Variants in IL26 observed in about 807,000 individuals in gnomAD.
IL26 encodes interleukin-26.
Under a neutral mutation model 21.7 loss-of-function variants are expected in IL26, and 23 were observed. The ratio of observed to expected loss-of-function variants is 1.06; its 90% CI spans 0.76 to 1.50. IL26 has a LOEUF of 1.50. Ranked by LOEUF, IL26 falls within the 40% of genes most tolerant of loss-of-function variation. The pLI, the probability that IL26 is intolerant of heterozygous loss-of-function variation, is 0.00. For synonymous variants in IL26, 63 were observed against 67.8 expected (o/e 0.93, Z 0.34); for missense variants, 204 against 196.0 (o/e 1.04, Z -0.24).
At position 68,201,772 on chromosome 12, in the gene IL26, T is replaced by C; in HGVS notation, c.*73A>G. 1 of 1,019,222 alleles carries C rather than the reference T, an allele frequency of 9.8e-7. No homozygotes were observed. The highest frequency in any genetic ancestry group is 1.4e-6 in the Non-Finnish European group (1 of 695,678). The allele number at this position is 1,019,222 out of a possible 1,614,324, so 63.1% of individuals were successfully genotyped here. On this transcript the variant is annotated 3_prime_UTR_variant, in exon 5 of 5. Transcript: ENST00000229134. ...TAAAAAGTTTTTAAAAGAAATAGAC[T>C]GTTATAAACATATTTCTAGCAGTTC...
At position 68,225,779 on chromosome 12, in the gene IL26, G is replaced by A. The variant is rs764531744; in HGVS notation, c.-23C>T. 6.2e-7 allele frequency: 1 copy of A among 1,611,848 alleles called. No individual in the cohort carries two copies. On this transcript the variant is annotated 5_prime_UTR_variant, in exon 1 of 5. Transcript: ENST00000229134. ...CATTTCCCTTCACCCCACTCAGCGT[G>A]TGTCACTCACAGCAGCCCAAGAGAT...
chr12:68,222,941 C>A (rs1396627094), intron 3 of IL26, among the ~76,000 whole-genome samples: 1 of 152,172 alleles, frequency 6.6e-6, no homozygotes, highest in Admixed American at 6.5e-5. Context: ...TTTATAACTT[C>A]TGTCTGCTAA....
At chr12:68,225,037 A>C in intron 3 of IL26, 112 bp downstream of exon 3, 1 of 1,105,066 alleles carries the variant, frequency 9.0e-7, no homozygotes, top group Non-Finnish European at 1.3e-6. Flanking sequence ...ACTACAAGCC[A>C]ACAATTACAA....
chr12:68,202,189 C>G lies in IL26; in HGVS notation c.364-106G>C, dbSNP rs1868409024. 5 of 649,084 alleles carry G rather than the reference C, an allele frequency of 7.7e-6. No individual in the cohort carries two copies. The East Asian group carries it at 1.5e-4, about 19-fold the overall frequency. 40.2% of individuals were successfully genotyped at this position (649,084 alleles called of 1,614,324 possible). ...TAGAGCAGGTATTATGTGCTGAGCA[C>G]TAGATATGCACTGGCAAAATAAATA... On this transcript the variant is annotated intron_variant, in intron 3 of 4. Coordinates refer to ENST00000229134, the MANE Select transcript of IL26 (RefSeq NM_018402.2).
intron 3 of IL26, among the ~76,000 whole-genome samples, chr12:68,215,834 CTT>C (rs1020704887): frequency 1.2e-4 from 18 of 151,838 alleles, no homozygotes; most frequent in African/African-American, 4.3e-4. Flanking sequence ...ATCCAGATAA[CTT>C]TTTATTTTTA....
chr12:68,207,029 G>A (rs1868562677), intron 3 of IL26, among the ~76,000 whole-genome samples: 1 of 152,112 alleles, frequency 6.6e-6, no homozygotes, highest in East Asian at 1.9e-4. Flanking sequence ...ATCATATCAG[G>A]GTCTATAGAT....
At chr12:68,213,120 T>A (rs909882672) in intron 3 of IL26, among the ~76,000 whole-genome samples, 2 of 152,052 alleles carry the variant, frequency 1.3e-5, no homozygotes, top group Non-Finnish European at 2.9e-5. Flanking sequence ...TGAATACTTT[T>A]TCAATATCTA....
chr12:68,216,078 G>A (rs2120456848), intron 3 of IL26, among the ~76,000 whole-genome samples: 1 of 151,566 alleles, frequency 6.6e-6, no homozygotes, highest in East Asian at 2.0e-4. Context: ...GGATCACAAG[G>A]TCAGAAGATC....
At chr12:68,203,151 T>C (rs1404668563) in intron 3 of IL26, among the ~76,000 whole-genome samples, 1 of 152,184 alleles carries the variant, frequency 6.6e-6, no homozygotes, top group Non-Finnish European at 1.5e-5. Flanking sequence ...CTCGAGCAGC[T>C]GGCTTGTAGG....
intron 3 of IL26, among the ~76,000 whole-genome samples, chr12:68,213,827 A>G (rs1868800479): frequency 6.6e-6 from 1 of 151,714 alleles, no homozygotes; most frequent in African/African-American, 2.4e-5. Context: ...ATTTTATTGC[A>G]CTTCCCTATT....
intron 3 of IL26, among the ~76,000 whole-genome samples, chr12:68,210,559 C>T (rs184256790): frequency 1.7e-4 from 26 of 151,914 alleles, no homozygotes; most frequent in African/African-American, 4.8e-4. Flanking sequence ...TGTCTCTCTG[C>T]GAAACCAAAT....
In IL26 at chr12:68,201,719, A is replaced by G. The variant is rs1868394206; in HGVS notation, c.*126T>C. 2 of 550,848 alleles carry G rather than the reference A, an allele frequency of 3.6e-6. No individual in the cohort carries two copies. Among genetic ancestry groups the G allele is most frequent in the South Asian group, 3.6e-5 (1 of 27,410 alleles). The allele number at this position is 550,848 out of a possible 1,614,324, so 34.1% of individuals were successfully genotyped here. ...ACTAAATCCTTCTTGTCTATTCTGA[A>G]TCACCTAACATGCCGTCAGTATTAT... On this transcript the variant is annotated 3_prime_UTR_variant, in exon 5 of 5. Transcript: ENST00000229134.
At position 68,201,775 on chromosome 12, in the gene IL26, TATAAAC is replaced by T; in HGVS notation, c.*64_*69del. ...AAAGTTTTTAAAAGAAATAGACTGT[TATAAAC>T]ATATTTCTAGCAGTTCTTATTGTAT... On this transcript the variant is annotated 3_prime_UTR_variant, in exon 5 of 5. Coordinates refer to ENST00000229134, the MANE Select transcript of IL26 (RefSeq NM_018402.2). 9.2e-7 allele frequency: 1 copy of T among 1,091,832 alleles called. No homozygotes were observed. Among genetic ancestry groups the T allele is most frequent in the East Asian group, 2.4e-5 (1 of 41,852 alleles). 67.6% of individuals were successfully genotyped at this position (1,091,832 alleles called of 1,614,324 possible).
At chr12:68,211,876 C>A (rs1460705289) in intron 3 of IL26, among the ~76,000 whole-genome samples, 3 of 151,974 alleles carry the variant, frequency 2.0e-5, no homozygotes, top group Non-Finnish European at 2.9e-5. Context: ...GGATTTTTAG[C>A]TTTACATAAT....
At chr12:68,205,891 G>T (rs547753364) in intron 3 of IL26, among the ~76,000 whole-genome samples, 1 of 152,142 alleles carries the variant, frequency 6.6e-6, no homozygotes, top group East Asian at 1.9e-4. Flanking sequence ...TTCTGGGATT[G>T]CTTCTTCTAT....
At chr12:68,214,146 A>G (rs1373573545) in intron 3 of IL26, among the ~76,000 whole-genome samples, 2 of 152,098 alleles carry the variant, frequency 1.3e-5, no homozygotes, top group Non-Finnish European at 2.9e-5. Flanking sequence ...TTTAATTTCC[A>G]TGAGTTTTCG....
chr12:68,202,932 G>A (rs1868428380), intron 3 of IL26, among the ~76,000 whole-genome samples: 2 of 152,162 alleles, frequency 1.3e-5, no homozygotes, highest in Admixed American at 6.5e-5. Context: ...CTGAAAGAAA[G>A]CAAGCAAGCA....
intron 3 of IL26, among the ~76,000 whole-genome samples, chr12:68,202,723 T>C (rs1868423114): frequency 6.6e-6 from 1 of 152,146 alleles, no homozygotes; most frequent in Admixed American, 6.5e-5. Context: ...GGGATCACAA[T>C]TCAAGATGAG....
Position 68,225,719 on chromosome 12 carries a change from AACAGCAACCC to A in IL26, c.28_37del (p.Gly10Ter). 6.2e-7 allele frequency: 1 copy of A among 1,614,014 alleles called. No individual in the cohort carries two copies. Among genetic ancestry groups the A allele is most frequent in the Non-Finnish European group, 8.5e-7 (1 of 1,179,942 alleles). ...GGCAATGGCAAGAGACAGAGTGACT[AACAGCAACCC>A]ACACCTCAAAATGAAATTCACCAGC... On this transcript the variant is annotated frameshift_variant, in exon 1 of 5. Coordinates refer to ENST00000229134, the MANE Select transcript of IL26 (RefSeq NM_018402.2). LOFTEE classifies it high-confidence loss of function.
Sources: allele counts gnomAD v4.1 joint callset (sites outside exome capture counted in the v4.1 genomes callset), GRCh38; gene constraint gnomAD v4.1.1; transcripts MANE v1.5; gene names NCBI Gene and HGNC (gene_info 2026-07-23, HGNC 2026-07-21).